Variants in VPS13B observed in about 807,000 individuals in gnomAD.
VPS13B encodes intermembrane lipid transfer protein VPS13B.
VPS13B carries 285 observed loss-of-function variants against 426.4 expected under a neutral mutation model. That is an observed-to-expected ratio of 0.67 (90% CI 0.61 to 0.74). VPS13B has a LOEUF of 0.74. Ranked by LOEUF, VPS13B falls within the 30% of genes least tolerant of loss-of-function variation. The pLI, the probability that VPS13B is intolerant of heterozygous loss-of-function variation, is 0.00. For missense variants in VPS13B, 4,537 were observed against 4,782.6 expected (o/e 0.95, Z 1.51); for synonymous variants, 1,676 against 1,676.4 (o/e 1.00, Z 0.01).
chr8:99,160,650 C>CAAA (rs780385149), intron 15 of VPS13B, among the ~76,000 whole-genome samples: 10 of 68,432 alleles, frequency 1.5e-4, no homozygotes, highest in Non-Finnish European at 2.1e-4. Context: ...GACCCTGTCT[C>CAAA]AAAAAAAAAA....
chr8:99,642,528 A>T (rs1489754959), intron 34 of VPS13B, 30 bp downstream of exon 34: 2 of 1,556,898 alleles, frequency 1.3e-6, no homozygotes, highest in African/African-American at 2.7e-5. Context: ...CTGGAGTGCT[A>T]ATAATTACTA....
intron 35 of VPS13B, among the ~76,000 whole-genome samples, chr8:99,677,703 C>T (rs1184341160): frequency 6.6e-6 from 1 of 152,084 alleles, no homozygotes; most frequent in Non-Finnish European, 1.5e-5. Flanking sequence ...AGTACTAGGT[C>T]TCATGCAGAG....
intron 19 of VPS13B, among the ~76,000 whole-genome samples, chr8:99,371,177 A>G (rs1374753677): frequency 6.6e-6 from 1 of 152,230 alleles, no homozygotes; most frequent in Non-Finnish European, 1.5e-5. Context: ...ATTTTGTTAC[A>G]TGGCTAACAC....
At chr8:99,202,892 G>GGCGT (rs1184007346) in intron 17 of VPS13B, among the ~76,000 whole-genome samples, 1 of 152,006 alleles carries the variant, frequency 6.6e-6, no homozygotes, top group Non-Finnish European at 1.5e-5. Flanking sequence ...AAATTAACTG[G>GGCGT]GCGTGGTGGT....
At chr8:99,641,574 T>G (rs912704845) in intron 33 of VPS13B, among the ~76,000 whole-genome samples, 5 of 152,184 alleles carry the variant, frequency 3.3e-5, no homozygotes, top group African/African-American at 1.2e-4. Context: ...AAAAATATAT[T>G]TTAATGATGG....
At position 99,356,858 on chromosome 8, in the gene VPS13B, C is replaced by G. The variant is rs1056306323; in HGVS notation, c.2825-27350C>G. Among the ~76,000 whole-genome samples, 8 of 152,230 alleles carry G rather than the reference C, an allele frequency of 5.3e-5. No homozygotes were observed. In the East Asian group the frequency reaches 1.3e-3, roughly 26 times the overall value. ...CTTTCTTCAACCTTTTCTGTATTAG[C>G]TCTTTCATTTCTGTTTTACTTCCTT... On this transcript the variant is annotated intron_variant, in intron 19 of 61. Transcript: ENST00000357162.
intron 2 of VPS13B, among the ~76,000 whole-genome samples, chr8:99,030,274 C>T (rs572602541): frequency 6.8e-6 from 1 of 146,406 alleles, no homozygotes; most frequent in Non-Finnish European, 1.5e-5. Context: ...TAATGTTCAG[C>T]GTTGTTTAGT....
chr8:99,446,416 T>C lies in VPS13B; in HGVS notation c.3445+3781T>C, dbSNP rs376413841. ...TTTTCCTCTGGGTTCTTTAAGGATC[T>C]TCTCAGTCTTTGTGTTTTAAAGTTT... On this transcript the variant is annotated intron_variant, in intron 23 of 61. Transcript: ENST00000357162. 2.0e-5 allele frequency among the ~76,000 whole-genome samples: 3 copies of C among 152,286 alleles called. No individual in the cohort carries two copies. In the East Asian group the frequency reaches 5.8e-4, roughly 29 times the overall value.
chr8:99,296,819 A>C (rs1484711997), intron 19 of VPS13B, among the ~76,000 whole-genome samples: 1 of 152,126 alleles, frequency 6.6e-6, no homozygotes, highest in African/African-American at 2.4e-5. Flanking sequence ...CATCTTGGAA[A>C]CAGAGACCAG....
At chr8:99,145,047 A>G (rs1011596967) in intron 13 of VPS13B, among the ~76,000 whole-genome samples, 2 of 152,210 alleles carry the variant, frequency 1.3e-5, no homozygotes, top group African/African-American at 4.8e-5. Flanking sequence ...GCCTTGAGGT[A>G]GGAACAGTTT....
intron 17 of VPS13B, chr8:99,240,843 A>G (rs1816894795): frequency 6.6e-6 from 1 of 152,604 alleles, no homozygotes; most frequent in South Asian, 2.1e-4. Flanking sequence ...ATACTAACCC[A>G]TATTGTTCTC....
intron 54 of VPS13B, among the ~76,000 whole-genome samples, chr8:99,836,662 AT>A (rs1815407587): frequency 6.6e-6 from 1 of 152,222 alleles, no homozygotes; most frequent in Admixed American, 6.5e-5. Context: ...TTCCACATTT[AT>A]TAGTTCATCT....
chr8:99,423,993 A>G (rs1816533236), intron 21 of VPS13B, among the ~76,000 whole-genome samples: 1 of 152,086 alleles, frequency 6.6e-6, no homozygotes, highest in African/African-American at 2.4e-5. Flanking sequence ...TGATCTGTCT[A>G]ATGTTGACAG....
chr8:99,503,986 G>A (rs1043474300), intron 27 of VPS13B, among the ~76,000 whole-genome samples: 2 of 152,166 alleles, frequency 1.3e-5, no homozygotes, highest in African/African-American at 4.8e-5. Flanking sequence ...GATACAGTTT[G>A]GATATATGTC....
At chr8:99,199,675 T>A (rs1274319981) in intron 17 of VPS13B, among the ~76,000 whole-genome samples, 1 of 152,142 alleles carries the variant, frequency 6.6e-6, no homozygotes, top group African/African-American at 2.4e-5. Context: ...CAGTTTCCTC[T>A]CTTCTTTGAG....
At chr8:99,493,765 G>A (rs1443626313) in intron 25 of VPS13B, among the ~76,000 whole-genome samples, 3 of 122,656 alleles carry the variant, frequency 2.4e-5, no homozygotes, top group Admixed American at 1.0e-4. Context: ...CTGGGCGACA[G>A]AGCAAGACTC....
intron 61 of VPS13B, chr8:99,873,101 T>C (rs1817513917): frequency 6.6e-6 from 1 of 152,236 alleles, no homozygotes; most frequent in South Asian, 2.1e-4. Flanking sequence ...ATAATATCAT[T>C]ACGATTAAAT....
intron 3 of VPS13B, among the ~76,000 whole-genome samples, chr8:99,081,582 AACCCCACAACAGGCCCCC>A (rs1281710797): frequency 8.2e-4 from 22 of 26,748 alleles, no homozygotes; most frequent in East Asian, 1.5e-3. Context: ...CCCCTCCCCC[AACCCCACAACAGGCCCCC>A]ACCCCACAAC....
At chr8:99,072,934 C>T (rs1283935137) in intron 3 of VPS13B, among the ~76,000 whole-genome samples, 1 of 152,094 alleles carries the variant, frequency 6.6e-6, no homozygotes, top group Non-Finnish European at 1.5e-5. Flanking sequence ...TCTGGGTTCT[C>T]TTTTCTGTTT....
Sources: gnomAD v4.1 joint callset for allele counts (sites outside exome capture counted in the v4.1 genomes callset) on GRCh38, gnomAD v4.1.1 for gene constraint, MANE v1.5 for transcripts, NCBI Gene and HGNC (gene_info 2026-07-23, HGNC 2026-07-21) for gene names.